The following PCDHA2 variants were observed in gnomAD, a reference collection of about 807,000 sequenced individuals.
PCDHA2 encodes protocadherin alpha 2.
PCDHA2 carries 58 observed loss-of-function variants against 66.0 expected under a neutral mutation model. That is an observed-to-expected ratio of 0.88 (90% confidence interval 0.71 to 1.09). The LOEUF is 1.09. Among genes scored for constraint, PCDHA2 ranks in the 50% least tolerant of loss-of-function variants. The probability of loss-of-function intolerance (pLI) is 0.00; values close to 1 mark genes in which losing one functional copy is unlikely to be tolerated. For synonymous variants in PCDHA2, 634 were observed against 554.0 expected, an observed-to-expected ratio of 1.14 and a Z score of -2.03; for missense variants, 1,267 against 1,242.3, an observed-to-expected ratio of 1.02 and a Z score of -0.30.
In PCDHA2 at chr5:141,011,771, G is replaced by A. The variant is rs1327507093; in HGVS notation, c.*1834G>A. On this transcript the variant is annotated 3_prime_UTR_variant, in exon 4 of 4. Transcript: ENST00000526136. ...TCTGACCTCTTTGAAGTTGCAGAATGCTTTGAAATTCTAATGGTATCTGAA... is the reference window on the plus strand; with the variant it reads ...TCTGACCTCTTTGAAGTTGCAGAATACTTTGAAATTCTAATGGTATCTGAA... The A allele has an allele frequency of 1.3e-5, 2 of 153,698 alleles. No individual in the cohort carries two copies. The highest frequency in any genetic ancestry group is 4.8e-5 in the African/African-American group (2 of 41,424). The allele number at this position is 153,698 out of a possible 1,614,324, so 9.5% of individuals were successfully genotyped here.
At chr5:140,974,372 G>A (rs782769705) in intron 1 of PCDHA2, among the ~76,000 whole-genome samples, 28 of 152,076 alleles carry the variant, frequency 1.8e-4, no homozygotes, top group Non-Finnish European at 4.0e-4. Flanking sequence ...AGCACTTTCT[G>A]TTGTACTGGA....
At chr5:140,808,724 G>C (rs114390057) in intron 1 of PCDHA2, 3 of 1,612,100 alleles carry the variant, frequency 1.9e-6, no homozygotes, top group Middle Eastern at 2.1e-4. Context: ...GGTGCATGCG[G>C]AGAGCGGCAA....
intron 1 of PCDHA2, chr5:140,823,665 C>T (rs2150128070): frequency 1.2e-6 from 2 of 1,614,048 alleles, no homozygotes; most frequent in South Asian, 1.1e-5. Context: ...CAGGCGAGAT[C>T]AGCACAACAC....
intron 1 of PCDHA2, among the ~76,000 whole-genome samples, chr5:140,935,394 G>A (rs959098226): frequency 2.0e-5 from 3 of 152,088 alleles, no homozygotes; most frequent in East Asian, 1.9e-4. Flanking sequence ...GTTATCCCAC[G>A]GGACTCAAAC....
chr5:140,862,363 C>T, intron 1 of PCDHA2: 1 of 339,946 alleles, frequency 2.9e-6, no homozygotes, highest in Non-Finnish European at 5.8e-6. Context: ...GACAGACGAC[C>T]CGCACCCTGA....
chr5:140,913,552 T>A (rs1474729453), intron 1 of PCDHA2, among the ~76,000 whole-genome samples: 1 of 152,166 alleles, frequency 6.6e-6, no homozygotes, highest in African/African-American at 2.4e-5. Context: ...GTTTTGTTGA[T>A]CTCTTGTATT....
intron 1 of PCDHA2, among the ~76,000 whole-genome samples, chr5:140,886,827 G>GAA (rs782016620): frequency 3.1e-4 from 19 of 60,896 alleles, no homozygotes; most frequent in South Asian, 5.9e-4. Context: ...ACTTCGTCTT[G>GAA]AAAAAAAAAA....
At chr5:140,959,038 A>G (rs1389837259) in intron 1 of PCDHA2, among the ~76,000 whole-genome samples, 2 of 151,994 alleles carry the variant, frequency 1.3e-5, no homozygotes, top group African/African-American at 4.8e-5. Flanking sequence ...ATGGGTATGT[A>G]TGTATAGGAA....
At chr5:140,801,287 G>A in intron 1 of PCDHA2, 1 of 1,613,556 alleles carries the variant, frequency 6.2e-7, no homozygotes, top group South Asian at 1.1e-5. Context: ...GGAGCGGCCA[G>A]CTCCACTACT....
intron 1 of PCDHA2, chr5:140,823,781 T>A (rs2150129137): frequency 1.2e-6 from 2 of 1,613,800 alleles, no homozygotes; most frequent in Non-Finnish European, 1.7e-6. Context: ...GTGTCGCTGG[T>A]GGAAAGTGGC....
intron 3 of PCDHA2, among the ~76,000 whole-genome samples, chr5:140,997,797 C>T (rs2097786104): frequency 6.6e-6 from 1 of 151,944 alleles, no homozygotes; most frequent in Non-Finnish European, 1.5e-5. Context: ...TATAATTTAT[C>T]CAATTTGCTG....
At chr5:140,882,301 G>T in intron 1 of PCDHA2, 1 of 1,613,800 alleles carries the variant, frequency 6.2e-7, no homozygotes, top group Non-Finnish European at 8.5e-7. Context: ...GCCCAAGACC[G>T]CGGCAACTAC....
chr5:140,974,302 C>G (rs782329639), intron 1 of PCDHA2, among the ~76,000 whole-genome samples: 1 of 152,176 alleles, frequency 6.6e-6, no homozygotes, highest in Non-Finnish European at 1.5e-5. Flanking sequence ...GGAGGTACAA[C>G]TGTGAGTGAG....
chr5:140,800,063 T>TA (rs1370278446), intron 1 of PCDHA2, among the ~76,000 whole-genome samples: 3 of 152,220 alleles, frequency 2.0e-5, no homozygotes, highest in East Asian at 3.9e-4. Flanking sequence ...TAACAACTTT[T>TA]AAAAAAACTG....
chr5:140,833,169 G>A (rs2150206852), intron 1 of PCDHA2, among the ~76,000 whole-genome samples: 2 of 152,190 alleles, frequency 1.3e-5, no homozygotes, highest in Admixed American at 6.6e-5. Flanking sequence ...AGTATTAACG[G>A]AAGATGACTG....
Position 140,829,741 on chromosome 5 carries a change from G to A in PCDHA2, c.2388+32389G>A. The A allele has an allele frequency of 1.9e-6, 3 of 1,613,668 alleles. No homozygotes were observed. The South Asian group carries it at 3.3e-5, about 18-fold the overall frequency. On this transcript the variant is annotated intron_variant, in intron 1 of 3. Transcript: ENST00000526136. ...TGCCGCCTCTGGGCAGCAACGTGACGCTGCAGGTGTTCGTGCTGGACGAGA... is the reference window on the plus strand; with the variant it reads ...TGCCGCCTCTGGGCAGCAACGTGACACTGCAGGTGTTCGTGCTGGACGAGA...
chr5:140,820,654 T>C (rs2150107515), intron 1 of PCDHA2, among the ~76,000 whole-genome samples: 7 of 152,038 alleles, frequency 4.6e-5, no homozygotes, highest in African/African-American at 1.7e-4. Flanking sequence ...TAAAAAGTAA[T>C]TAAACTAATA....
intron 1 of PCDHA2, chr5:140,823,750 A>T (rs2150128815): frequency 5.0e-6 from 8 of 1,613,666 alleles, no homozygotes; most frequent in Non-Finnish European, 6.8e-6. Context: ...GCCCCCGCTG[A>T]CAGCCACAGC....
chr5:140,957,416 A>T (rs1456143168), intron 1 of PCDHA2, among the ~76,000 whole-genome samples: 2 of 152,144 alleles, frequency 1.3e-5, no homozygotes, highest in East Asian at 1.9e-4. Flanking sequence ...TATTGTTGTT[A>T]ATCTTTTACT....
Sources: allele counts gnomAD v4.1 joint callset (sites outside exome capture counted in the v4.1 genomes callset), GRCh38; gene constraint gnomAD v4.1.1; transcripts MANE v1.5; gene names NCBI Gene and HGNC (gene_info 2026-07-23, HGNC 2026-07-21).